The following GLI3 variants were observed in gnomAD, a reference collection of about 807,000 sequenced individuals.
GLI3 encodes GLI family zinc finger 3.
In GLI3, 20 loss-of-function variants were observed where a neutral mutation model predicts 100.8. The ratio of observed to expected loss-of-function variants is 0.20; its 90% CI spans 0.14 to 0.29. The LOEUF is 0.29. Ranked by LOEUF, GLI3 falls within the 10% of genes least tolerant of loss-of-function variation. The pLI, the probability that GLI3 is intolerant of heterozygous loss-of-function variation, is 1.00. For synonymous variants in GLI3, 938 were observed against 860.5 expected (o/e 1.09, Z -1.58); for missense variants, 2,040 against 2,128.5 (o/e 0.96, Z 0.82).
chr7:42,238,022 CCTT>C (rs1196438770), upstream of GLI3, among the ~76,000 whole-genome samples: 400 of 133,310 alleles, frequency 3.0e-3, 4 homozygotes, highest in African/African-American at 0.012. Flanking sequence ...TCCTCCTCCT[CCTT>C]CTCCTCCTCC....
At chr7:42,021,355 G>A (rs549756650) in intron 10 of GLI3, among the ~76,000 whole-genome samples, 14 of 152,088 alleles carry the variant, frequency 9.2e-5, no homozygotes, top group Admixed American at 2.0e-4. Flanking sequence ...GTATATGTGC[G>A]CATTCATATT....
At chr7:42,014,035 A>G (rs1311528948) in intron 10 of GLI3, among the ~76,000 whole-genome samples, 1 of 152,152 alleles carries the variant, frequency 6.6e-6, no homozygotes, top group Non-Finnish European at 1.5e-5. Flanking sequence ...CTATCCTCCC[A>G]AATTTTAAAA....
At chr7:41,982,486 G>C (rs1787698034) in intron 10 of GLI3, among the ~76,000 whole-genome samples, 1 of 152,096 alleles carries the variant, frequency 6.6e-6, no homozygotes, top group Non-Finnish European at 1.5e-5. Flanking sequence ...GGGAGGCTGA[G>C]TCAGGAGGAT....
chr7:41,966,127 C>T lies in GLI3; in HGVS notation c.2946G>A (p.Gly982=), dbSNP rs1177497827. ...GGCGCCGCCCGTAGCCGTGGGCTCC[C>T]CCGTCGCTGCACCTCCTCGGGGCAT... The part of the protein sequence containing the change: ...PVHAPRRCSD[G]GAHGYGRRHL... The change falls in exon 15 of 15, where the codon GGG becomes GGA. Residue 982 remains glycine, a synonymous_variant. Coordinates refer to ENST00000395925, the MANE Select transcript of GLI3 (RefSeq NM_000168.6). This position sits in a 1 kb window ranked among gnomAD's most constrained non-coding sequence, Gnocchi z 5.8. 4.4e-6 allele frequency: 7 copies of T among 1,584,210 alleles called. No individual in the cohort carries two copies. Among genetic ancestry groups the T allele is most frequent in the Non-Finnish European group, 6.0e-6 (7 of 1,170,272 alleles).
chr7:42,196,500 C>CA (rs1202368811), intron 2 of GLI3, among the ~76,000 whole-genome samples: 1 of 152,106 alleles, frequency 6.6e-6, no homozygotes, highest in East Asian at 1.9e-4. Context: ...AATAGAACAC[C>CA]AAAAAATATA....
intron 2 of GLI3, among the ~76,000 whole-genome samples, chr7:42,196,457 TC>T (rs1787930443): frequency 6.6e-6 from 1 of 152,036 alleles, no homozygotes; most frequent in Non-Finnish European, 1.5e-5. Context: ...AAGATGTACC[TC>T]CCAAAAAAGA....
At chr7:42,227,566 G>A (rs1007511596) in intron 1 of GLI3, 1 of 152,022 alleles carries the variant, frequency 6.6e-6, no homozygotes, top group African/African-American at 2.4e-5. Flanking sequence ...GCCTGCAGGT[G>A]GGTCTTTTCT....
At chr7:42,262,576 C>T (rs532775615) in intron 1 of GLI3, among the ~76,000 whole-genome samples, 53 of 152,262 alleles carry the variant, frequency 3.5e-4, no homozygotes, top group African/African-American at 1.3e-3. Context: ...TGTTTTCTAA[C>T]TAGTCACTAA....
At position 42,082,634 on chromosome 7, in the gene GLI3, G is replaced by T. The variant is rs142249686; in HGVS notation, c.368-5777C>A. On this transcript the variant is annotated intron_variant, in intron 3 of 14. Coordinates refer to ENST00000395925, the MANE Select transcript of GLI3 (RefSeq NM_000168.6). ...TTTTCTGGTCTCACAAGCATATTAT[G>T]TGGGGTTAGAAACTCCTCCGGAATC... Among the ~76,000 whole-genome samples, 612 of 152,284 alleles carry T rather than the reference G, an allele frequency of 4.0e-3. 6 individuals are homozygous for T. The highest frequency in any genetic ancestry group is 0.014 in the African/African-American group (576 of 41,562).
At chr7:42,237,906 C>T (rs1788854372), upstream of GLI3, 1 of 147,068 alleles carries the variant, frequency 6.8e-6, no homozygotes, top group Admixed American at 6.8e-5. Flanking sequence ...GGCGGCGCGT[C>T]GCGGGCCGGG....
intron 2 of GLI3, among the ~76,000 whole-genome samples, chr7:42,199,759 T>C (rs1425501759): frequency 1.3e-5 from 2 of 152,120 alleles, no homozygotes; most frequent in Non-Finnish European, 2.9e-5. Context: ...AAGATAAATA[T>C]AAAGACCTAT....
In GLI3 at chr7:42,174,227, G is replaced by T. The variant is rs1308099645; in HGVS notation, c.125-25759C>A. On this transcript the variant is annotated intron_variant, in intron 2 of 14. Coordinates refer to ENST00000395925, the MANE Select transcript of GLI3 (RefSeq NM_000168.6). Reference sequence around the variant, plus strand: ...AATCAATAAAGAACACCCATCATCTGGGTAACTAATTTTGCTTTTCCGTCT... The same window carrying T: ...AATCAATAAAGAACACCCATCATCTTGGTAACTAATTTTGCTTTTCCGTCT... 2.6e-5 allele frequency among the ~76,000 whole-genome samples: 4 copies of T among 152,060 alleles called. No individual in the cohort carries two copies. In the East Asian group the frequency reaches 7.7e-4, roughly 29 times the overall value.
chr7:41,987,502 G>T (rs1254780439), intron 10 of GLI3, among the ~76,000 whole-genome samples: 1 of 152,086 alleles, frequency 6.6e-6, no homozygotes, highest in African/African-American at 2.4e-5. Flanking sequence ...ATTTTCCAGT[G>T]GGTTTCTTAC....
chr7:42,102,557 G>A (rs1434175783), intron 3 of GLI3, among the ~76,000 whole-genome samples: 1 of 152,224 alleles, frequency 6.6e-6, no homozygotes, highest in African/African-American at 2.4e-5. Flanking sequence ...GATGCAGGAG[G>A]AAAACCTCAA....
At chr7:42,165,464 C>G (rs1170591034) in intron 2 of GLI3, among the ~76,000 whole-genome samples, 2 of 152,008 alleles carry the variant, frequency 1.3e-5, no homozygotes, top group Admixed American at 1.3e-4. Flanking sequence ...TTCCTGAAGC[C>G]CAAGTATGGA....
chr7:42,219,003 T>C (rs1406712138), intron 2 of GLI3, among the ~76,000 whole-genome samples: 1 of 152,182 alleles, frequency 6.6e-6, no homozygotes, highest in Non-Finnish European at 1.5e-5. Flanking sequence ...TGTAGAACAT[T>C]GGAAGATTTA....
At chr7:42,250,808 T>C (rs993115049) in intron 1 of GLI3, among the ~76,000 whole-genome samples, 28 of 151,774 alleles carry the variant, frequency 1.8e-4, no homozygotes, top group Admixed American at 1.1e-3. Context: ...CAGCGGGGAG[T>C]TGGGAAAGGG....
chr7:42,023,536 T>C lies in GLI3; in HGVS notation c.1429A>G (p.Ile477Val). The C allele has an allele frequency of 1.2e-6, 2 of 1,613,902 alleles. No individual in the cohort carries two copies. Among genetic ancestry groups the C allele is most frequent in the East Asian group, 2.2e-5 (1 of 44,864 alleles). The change falls in exon 10 of 15, where the codon ATC (isoleucine) becomes GTC (valine). Residue 477 changes from isoleucine (I) to valine (V), a missense_variant. Coordinates refer to ENST00000395925, the MANE Select transcript of GLI3 (RefSeq NM_000168.6). ...TCCCAGTGGCAGTTTGTCTCATAGA[T>C]GACTTCAGGCTCCTGTTTGCTTTCA... is the stretch of plus-strand genomic sequence containing the variant. ...KDESKQEPEV[I>V]YETNCHWEGC...
chr7:42,180,757 G>A (rs186827796), intron 2 of GLI3, among the ~76,000 whole-genome samples: 9 of 152,302 alleles, frequency 5.9e-5, no homozygotes, highest in East Asian at 1.9e-4. Context: ...TAAGGTTATC[G>A]CTGAGAAATG....
Sources: allele counts gnomAD v4.1 joint callset (sites outside exome capture counted in the v4.1 genomes callset), GRCh38; gene constraint gnomAD v4.1.1; non-coding constraint Gnocchi (gnomAD v3.1); transcripts MANE v1.5; gene names NCBI Gene and HGNC (gene_info 2026-07-23, HGNC 2026-07-21).